Variants in CENPC observed in about 807,000 individuals in gnomAD.
CENPC encodes centromere protein C, also known as CENP-C 1.
A neutral mutation model predicts 112.1 loss-of-function variants in CENPC; 63 were observed. The observed-to-expected ratio is 0.56, with a 90% CI of 0.46 to 0.69. The LOEUF is 0.69. Among genes scored for constraint, CENPC ranks in the 30% least tolerant of loss-of-function variants. The probability of loss-of-function intolerance (pLI) is 0.00; values close to 1 mark genes in which losing one functional copy is unlikely to be tolerated. For missense variants in CENPC, 1,000 were observed against 1,103.8 expected, an observed-to-expected ratio of 0.91 and a Z score of 1.33; for synonymous variants, 333 against 367.6, an observed-to-expected ratio of 0.91 and a Z score of 1.08.
intron 5 of CENPC, among the ~76,000 whole-genome samples, 172 bp downstream of exon 5, chr4:67,530,643 A>G (rs1300910713): frequency 6.6e-6 from 1 of 152,218 alleles, no homozygotes; most frequent in Non-Finnish European, 1.5e-5. Context: ...AGAGAAAAAG[A>G]GCACTGACCA....
At chr4:67,507,699 C>G (rs1445319692) in intron 10 of CENPC, among the ~76,000 whole-genome samples, 1 of 152,058 alleles carries the variant, frequency 6.6e-6, no homozygotes, top group African/African-American at 2.4e-5. Context: ...TATTCACAAA[C>G]CGTTTCAAAA....
At chr4:67,517,180 G>A (rs767842789) in intron 7 of CENPC, among the ~76,000 whole-genome samples, 1 of 151,428 alleles carries the variant, frequency 6.6e-6, no homozygotes, top group Non-Finnish European at 1.5e-5. Context: ...TTTTATTTTT[G>A]AGACTGAGTC....
intron 12 of CENPC, among the ~76,000 whole-genome samples, chr4:67,497,473 A>C (rs1401310304): frequency 6.6e-6 from 1 of 152,206 alleles, no homozygotes; most frequent in Non-Finnish European, 1.5e-5. Context: ...CAGATACTGC[A>C]ATAAAGAAGT....
intron 7 of CENPC, 140 bp from the exon 8 acceptor site, chr4:67,514,827 A>C: frequency 1.2e-6 from 1 of 829,814 alleles, no homozygotes; most frequent in Non-Finnish European, 1.8e-6. Flanking sequence ...TAATCTTACA[A>C]ATCTTTCCCT....
At chr4:67,510,944 A>G (rs1318820464) in intron 9 of CENPC, 1 of 453,780 alleles carries the variant, frequency 2.2e-6, no homozygotes, top group African/African-American at 2.0e-5. Flanking sequence ...GATCTAGCAC[A>G]TTTATCCAAG....
chr4:67,540,033 T>C, intron 3 of CENPC, 99 bp from the exon 4 acceptor site: 1 of 565,142 alleles, frequency 1.8e-6, no homozygotes. Context: ...GAACCATCTG[T>C]TGACTCACTG....
At chr4:67,484,128 C>T (rs183787184) in intron 17 of CENPC, among the ~76,000 whole-genome samples, 4 of 152,124 alleles carry the variant, frequency 2.6e-5, no homozygotes, top group African/African-American at 9.7e-5. Flanking sequence ...ATAAGGGTAA[C>T]ATTTATCTTT....
intron 16 of CENPC, 74 bp downstream of exon 16, chr4:67,492,106 G>T: frequency 3.0e-6 from 3 of 1,002,534 alleles, no homozygotes; most frequent in Non-Finnish European, 3.0e-6. Context: ...AAGTAGACAG[G>T]CCAATCATCA....
In CENPC at chr4:67,472,481, G is replaced by C. The variant is rs7662513; in HGVS notation, c.*124C>G. On this transcript the variant is annotated 3_prime_UTR_variant, in exon 19 of 19. Transcript: ENST00000273853. ...AATGTTTATCAAATACAAGTCTACAGAAAACTGAATAAAATTTTTATTTTA... is the reference window on the plus strand; with the variant it reads ...AATGTTTATCAAATACAAGTCTACACAAAACTGAATAAAATTTTTATTTTA... The C allele has an allele frequency of 0.89, 1,079,559 of 1,211,530 alleles. 481,518 individuals carry two copies. Among genetic ancestry groups the C allele is most frequent in the Admixed American group, 0.93 (23,187 of 24,864 alleles). The allele number at this position is 1,211,530 out of a possible 1,614,324, so 75.0% of individuals were successfully genotyped here.
intron 18 of CENPC, 129 bp from the exon 19 acceptor site, chr4:67,472,804 T>A: frequency 5.6e-6 from 6 of 1,078,528 alleles, no homozygotes; most frequent in Non-Finnish European, 7.2e-6. Context: ...TAACCTAAAG[T>A]AACTTATTTA....
chr4:67,523,270 G>A (rs562691388), intron 5 of CENPC, among the ~76,000 whole-genome samples: 22 of 151,146 alleles, frequency 1.5e-4, no homozygotes, highest in Non-Finnish European at 2.5e-4. Flanking sequence ...CCGAGATCAC[G>A]CCACTGCATT....
chr4:67,472,743 A>G, intron 18 of CENPC, 68 bp from the exon 19 acceptor site: 2 of 1,361,572 alleles, frequency 1.5e-6, no homozygotes, highest in Non-Finnish European at 1.9e-6. Context: ...TTAAGTATGT[A>G]GTCATCACCT....
chr4:67,502,752 G>C (rs1460789105), intron 12 of CENPC, among the ~76,000 whole-genome samples: 1 of 152,110 alleles, frequency 6.6e-6, no homozygotes, highest in South Asian at 2.1e-4. Context: ...GTAGTCCCCA[G>C]ATCAGGTAGT....
At chr4:67,493,811 C>T in intron 14 of CENPC, 73 bp downstream of exon 14, 1 of 843,122 alleles carries the variant, frequency 1.2e-6, no homozygotes. Flanking sequence ...TGTATATAAA[C>T]ATGTAGTGCA....
rs1446862257 is a variant in CENPC at position 67,545,326 on chromosome 4, G to A, written c.18+12C>T. 1.3e-5 allele frequency: 19 copies of A among 1,503,876 alleles called. No individual in the cohort carries two copies. Among genetic ancestry groups the A allele is most frequent in the Non-Finnish European group, 1.4e-5 (16 of 1,121,356 alleles). 93.2% of individuals were successfully genotyped at this position (1,503,876 alleles called of 1,614,324 possible). ...CTCAACCACTCGCCTGGAGCGGGGG[G>A]CCTGCACTTACCAGACCGGACGCAG... On this transcript the variant is annotated intron_variant, in intron 1 of 18. Coordinates refer to ENST00000273853, the MANE Select transcript of CENPC (RefSeq NM_001812.4).
Position 67,493,010 on chromosome 4 carries a change from A to G in CENPC, c.2291-13T>C, listed in dbSNP as rs766364276. On this transcript the variant is annotated splice_polypyrimidine_tract_variant and intron_variant, in intron 14 of 18. Coordinates refer to ENST00000273853, the MANE Select transcript of CENPC (RefSeq NM_001812.4). ...ATCACGAATCCTCCTGAAATTTAAC[A>G]AAAAAAGTAAAATATACATGGGAAA... is the stretch of plus-strand genomic sequence containing the variant. 1.0e-5 allele frequency: 15 copies of G among 1,504,344 alleles called. No individual in the cohort carries two copies. Among genetic ancestry groups the G allele is most frequent in the African/African-American group, 4.3e-5 (3 of 69,886 alleles). The allele number at this position is 1,504,344 out of a possible 1,614,324, so 93.2% of individuals were successfully genotyped here. A position where few individuals can be genotyped will look rare whatever the true frequency, so the allele number is the denominator to read the frequency against.
At chr4:67,493,047 G>C in intron 14 of CENPC, 50 bp from the exon 15 acceptor site, 1 of 1,391,774 alleles carries the variant, frequency 7.2e-7, no homozygotes, top group Non-Finnish European at 9.6e-7. Flanking sequence ...ACAAAATCTT[G>C]AAACAAAACT....
intron 11 of CENPC, among the ~76,000 whole-genome samples, chr4:67,506,564 A>G (rs1560430107): frequency 6.6e-6 from 1 of 152,160 alleles, no homozygotes; most frequent in Non-Finnish European, 1.5e-5. Context: ...CCAGTTCCAG[A>G]CAAGACTTTA....
intron 7 of CENPC, among the ~76,000 whole-genome samples, chr4:67,517,925 A>G: frequency 6.6e-6 from 1 of 152,176 alleles, no homozygotes; most frequent in East Asian, 1.9e-4. Flanking sequence ...TGAAAACTGA[A>G]TAAACTTGTT....
Sources: allele counts gnomAD v4.1 joint callset (sites outside exome capture counted in the v4.1 genomes callset), GRCh38; gene constraint gnomAD v4.1.1; transcripts MANE v1.5; gene names NCBI Gene and HGNC (gene_info 2026-07-23, HGNC 2026-07-21).